The following ANO4 variants were observed in gnomAD, a reference collection of about 807,000 sequenced individuals.
The protein encoded by ANO4 is anoctamin-4.
In ANO4, 69 loss-of-function variants were observed where a neutral mutation model predicts 141.9. The observed-to-expected ratio is 0.49, with a 90% CI of 0.40 to 0.59. The LOEUF is 0.59. ANO4 is among the 20% of genes least tolerant of loss of function. The pLI, the probability that ANO4 is intolerant of heterozygous loss-of-function variation, is 0.00. For missense variants in ANO4, 894 were observed against 1,162.2 expected (o/e 0.77, Z 3.36); for synonymous variants, 350 against 394.3 (o/e 0.89, Z 1.33).
chr12:100,777,831 A>G (rs560078688), intron 3 of ANO4, among the ~76,000 whole-genome samples: 1 of 152,196 alleles, frequency 6.6e-6, no homozygotes, highest in African/African-American at 2.4e-5. Context: ...TTTGTTCAGG[A>G]ATGTTCTTAC....
intron 3 of ANO4, among the ~76,000 whole-genome samples, chr12:100,789,219 A>T (rs2033965595): frequency 6.6e-6 from 1 of 152,150 alleles, no homozygotes; most frequent in Non-Finnish European, 1.5e-5. Flanking sequence ...AGATGAGGGA[A>T]CTGGGTCTCA....
chr12:100,913,438 A>T (rs1288569117), intron 2 of ANO4, among the ~76,000 whole-genome samples: 1 of 152,226 alleles, frequency 6.6e-6, no homozygotes, highest in African/African-American at 2.4e-5. Flanking sequence ...TCATCGTTTC[A>T]GTTACAATAA....
chr12:100,874,630 C>T (rs1172167670), intron 1 of ANO4, among the ~76,000 whole-genome samples: 1 of 152,140 alleles, frequency 6.6e-6, no homozygotes, highest in Non-Finnish European at 1.5e-5. Context: ...AGTGATGCTC[C>T]TGCCTCAACC....
intron 5 of ANO4, among the ~76,000 whole-genome samples, chr12:100,950,682 T>C (rs1429609081): frequency 6.6e-6 from 1 of 152,156 alleles, no homozygotes; most frequent in Non-Finnish European, 1.5e-5. Flanking sequence ...AATCAGCAGG[T>C]GCAGCACAGA....
chr12:100,930,926 GA>G (rs1453109731), intron 3 of ANO4, among the ~76,000 whole-genome samples: 1 of 152,120 alleles, frequency 6.6e-6, no homozygotes, highest in Non-Finnish European at 1.5e-5. Context: ...CATGGCCCCT[GA>G]AACTCCTCAA....
chr12:100,999,894 A>C (rs989290538), intron 8 of ANO4, among the ~76,000 whole-genome samples: 2 of 151,260 alleles, frequency 1.3e-5, no homozygotes, highest in African/African-American at 4.9e-5. Context: ...AAAAAAAAAA[A>C]AAACTTTAGC....
intron 3 of ANO4, among the ~76,000 whole-genome samples, chr12:100,774,498 T>G (rs2033413379): frequency 6.6e-6 from 1 of 152,218 alleles, no homozygotes; most frequent in Non-Finnish European, 1.5e-5. Context: ...TGAAACAGAT[T>G]GAGTTTTTTG....
chr12:100,741,264 T>A (rs1418466776), intron 3 of ANO4, among the ~76,000 whole-genome samples: 1 of 151,612 alleles, frequency 6.6e-6, no homozygotes, highest in East Asian at 1.9e-4. Context: ...AATCTTTGAA[T>A]GTTGGGATAC....
chr12:101,077,076 A>G (rs1566214220), intron 14 of ANO4, among the ~76,000 whole-genome samples: 1 of 152,210 alleles, frequency 6.6e-6, no homozygotes, highest in African/African-American at 2.4e-5. Flanking sequence ...ATGTGCCAAC[A>G]ATACAATTTA....
chr12:100,726,232 G>T (rs898589547), intron 1 of ANO4, among the ~76,000 whole-genome samples: 3 of 151,694 alleles, frequency 2.0e-5, no homozygotes, highest in Middle Eastern at 3.2e-3. Flanking sequence ...TTAAACTTCA[G>T]TAAAAAAAAA....
At chr12:101,045,733 G>T (rs2047598399) in intron 13 of ANO4, among the ~76,000 whole-genome samples, 1 of 152,130 alleles carries the variant, frequency 6.6e-6, no homozygotes, top group Admixed American at 6.5e-5. Flanking sequence ...GGATCATGAG[G>T]GCCTCACAGC....
At chr12:101,115,996 C>T (rs1159628371) in intron 24 of ANO4, among the ~76,000 whole-genome samples, 15 of 152,062 alleles carry the variant, frequency 9.9e-5, no homozygotes, top group East Asian at 1.9e-4. Flanking sequence ...CTAGTACAAG[C>T]GATCTGGTAA....
At chr12:100,815,032 A>G (rs1209561633) in intron 1 of ANO4, among the ~76,000 whole-genome samples, 1 of 152,068 alleles carries the variant, frequency 6.6e-6, no homozygotes, top group African/African-American at 2.4e-5. Context: ...AATGCACTCA[A>G]GAGGGATGCC....
intron 9 of ANO4, 35 bp from the exon 10 acceptor site, chr12:101,037,060 T>C: frequency 6.2e-7 from 1 of 1,601,114 alleles, no homozygotes; most frequent in African/African-American, 1.3e-5. Flanking sequence ...ATTCAAACTC[T>C]GTATTAATTC....
intron 3 of ANO4, among the ~76,000 whole-genome samples, chr12:100,784,576 G>A (rs1459112747): frequency 2.6e-5 from 4 of 152,224 alleles, no homozygotes; most frequent in South Asian, 2.1e-4. Context: ...TTACTCTTGC[G>A]TAGAACCCCA....
chr12:100,762,713 T>C (rs1436148452), intron 3 of ANO4, among the ~76,000 whole-genome samples: 2 of 152,116 alleles, frequency 1.3e-5, no homozygotes, highest in Non-Finnish European at 2.9e-5. Context: ...TCAATTTCTC[T>C]CTGGATCAGG....
chr12:100,847,412 T>G (rs12307903), intron 1 of ANO4, among the ~76,000 whole-genome samples: 62,921 of 151,584 alleles, frequency 0.42, 13,239 homozygotes, highest in Admixed American at 0.49. Flanking sequence ...CTTTCTTTTG[T>G]TTTCATGTCA....
At chr12:101,088,222 T>A (rs1015825008) in intron 17 of ANO4, among the ~76,000 whole-genome samples, 1 of 152,122 alleles carries the variant, frequency 6.6e-6, no homozygotes, top group Admixed American at 6.6e-5. Flanking sequence ...GGACTTTTTT[T>A]ATTTGCTGTT....
intron 7 of ANO4, among the ~76,000 whole-genome samples, chr12:100,986,360 A>G (rs1459826785): frequency 6.6e-6 from 1 of 152,102 alleles, no homozygotes; most frequent in Non-Finnish European, 1.5e-5. Context: ...GCAGACAGCA[A>G]ATTCACCCTG....
Sources: gnomAD v4.1 joint callset for allele counts (sites outside exome capture counted in the v4.1 genomes callset) on GRCh38, gnomAD v4.1.1 for gene constraint, MANE v1.5 for transcripts, NCBI Gene and HGNC (gene_info 2026-07-23, HGNC 2026-07-21) for gene names.